The following ACOXL variants were observed in gnomAD, a reference collection of about 807,000 sequenced individuals.
ACOXL encodes the protein acyl-coenzyme A oxidase-like protein.
A neutral mutation model predicts 71.9 loss-of-function variants in ACOXL; 70 were observed. That is an observed-to-expected ratio of 0.97 (90% CI 0.80 to 1.19). ACOXL has a LOEUF of 1.19. ACOXL is among the 50% of genes most tolerant of loss of function. The probability of loss-of-function intolerance (pLI) is 0.00; values close to 1 mark genes in which losing one functional copy is unlikely to be tolerated. For synonymous variants in ACOXL, 253 were observed against 281.6 expected (o/e 0.90, Z 1.02); for missense variants, 703 against 736.3 (o/e 0.95, Z 0.52).
chr2:110,822,596 AT>A (rs1471137780), intron 9 of ACOXL, among the ~76,000 whole-genome samples: 1 of 152,160 alleles, frequency 6.6e-6, no homozygotes, highest in Admixed American at 6.5e-5. Flanking sequence ...TGCTTAATAC[AT>A]ATGTCATACA....
intron 9 of ACOXL, among the ~76,000 whole-genome samples, chr2:110,811,034 A>G (rs1687255859): frequency 6.6e-6 from 1 of 152,232 alleles, no homozygotes; most frequent in Non-Finnish European, 1.5e-5. Context: ...AAACTGCTCC[A>G]GTGATTTAAT....
intron 17 of ACOXL, among the ~76,000 whole-genome samples, chr2:111,102,830 A>G (rs1163505748): frequency 1.3e-5 from 2 of 152,210 alleles, no homozygotes; most frequent in African/African-American, 4.8e-5. Flanking sequence ...GAAATCAATA[A>G]TTTTTATAGT....
chr2:110,832,277 G>A (rs924387885), intron 9 of ACOXL, among the ~76,000 whole-genome samples: 7 of 152,272 alleles, frequency 4.6e-5, no homozygotes, highest in Admixed American at 3.3e-4. Context: ...GGTGGCTCAC[G>A]CCTGTAATCC....
At chr2:111,026,855 G>A (rs113843177) in intron 14 of ACOXL, among the ~76,000 whole-genome samples, 1 of 152,146 alleles carries the variant, frequency 6.6e-6, no homozygotes, top group African/African-American at 2.4e-5. Context: ...GAAAGCAAGA[G>A]GAGGAATGTG....
chr2:110,999,271 T>A (rs990900643), intron 14 of ACOXL, among the ~76,000 whole-genome samples: 7 of 152,116 alleles, frequency 4.6e-5, no homozygotes, highest in African/African-American at 1.7e-4. Flanking sequence ...AAGAATACTG[T>A]CGTATTGCAT....
At chr2:110,804,704 A>G (rs757443141) in intron 8 of ACOXL, among the ~76,000 whole-genome samples, 3 of 152,218 alleles carry the variant, frequency 2.0e-5, no homozygotes, top group South Asian at 4.1e-4. Context: ...CCCTGAAAAC[A>G]TTATGCAAGT....
At chr2:110,984,925 C>T (rs991463177) in intron 12 of ACOXL, among the ~76,000 whole-genome samples, 2 of 152,176 alleles carry the variant, frequency 1.3e-5, no homozygotes, top group African/African-American at 4.8e-5. Context: ...TGCCGGAAGA[C>T]AGCAAGCCAG....
At chr2:111,083,153 G>A (rs557387980) in intron 16 of ACOXL, among the ~76,000 whole-genome samples, 2 of 152,204 alleles carry the variant, frequency 1.3e-5, no homozygotes, top group East Asian at 3.9e-4. Context: ...TGCACATTCT[G>A]CGCATGTATC....
intron 12 of ACOXL, among the ~76,000 whole-genome samples, chr2:110,974,846 T>C (rs1157815046): frequency 6.6e-6 from 1 of 152,168 alleles, no homozygotes; most frequent in Admixed American, 6.5e-5. Flanking sequence ...GAAGGGAGCA[T>C]TGGGTTGTTT....
At chr2:111,029,898 G>C (rs1019886490) in intron 14 of ACOXL, among the ~76,000 whole-genome samples, 1 of 151,986 alleles carries the variant, frequency 6.6e-6, no homozygotes, top group African/African-American at 2.4e-5. Context: ...GGGTGCAGTT[G>C]TAGCCAGCTT....
At chr2:110,737,262 C>G (rs2104659879) in intron 1 of ACOXL, among the ~76,000 whole-genome samples, 1 of 152,266 alleles carries the variant, frequency 6.6e-6, no homozygotes. Context: ...CCACTACTCT[C>G]AATTCTCTTA....
intron 16 of ACOXL, among the ~76,000 whole-genome samples, chr2:111,067,196 C>T (rs1400866397): frequency 1.3e-5 from 2 of 151,996 alleles, no homozygotes; most frequent in African/African-American, 4.8e-5. Context: ...TGAAGTAGAA[C>T]CAAAAAACCC....
intron 15 of ACOXL, among the ~76,000 whole-genome samples, chr2:111,040,822 G>A (rs2065746022): frequency 6.6e-6 from 1 of 152,182 alleles, no homozygotes; most frequent in African/African-American, 2.4e-5. Context: ...GTGGCTTGGT[G>A]TGGTCGGGGT....
At chr2:110,873,362 T>C (rs1279704457) in intron 10 of ACOXL, among the ~76,000 whole-genome samples, 1 of 151,992 alleles carries the variant, frequency 6.6e-6, no homozygotes, top group African/African-American at 2.4e-5. Flanking sequence ...TGGGGCCCAG[T>C]GTGGACTCAA....
chr2:110,932,173 AAC>A (rs1245425449), intron 11 of ACOXL, among the ~76,000 whole-genome samples: 5 of 152,330 alleles, frequency 3.3e-5, no homozygotes, highest in Admixed American at 2.0e-4. Context: ...GAAGCAAGAC[AAC>A]ACACACTCTG....
At chr2:110,905,084 G>T (rs956819115) in intron 10 of ACOXL, among the ~76,000 whole-genome samples, 5 of 152,132 alleles carry the variant, frequency 3.3e-5, no homozygotes, top group Admixed American at 2.0e-4. Context: ...AGGTGCACAT[G>T]ACACCAGCTG....
At chr2:111,043,796 G>T (rs2065894605) in intron 15 of ACOXL, among the ~76,000 whole-genome samples, 1 of 152,186 alleles carries the variant, frequency 6.6e-6, no homozygotes, top group African/African-American at 2.4e-5. Flanking sequence ...CCATGGAGGG[G>T]TAGGTGTCAG....
chr2:110,974,049 G>A (rs1420212974), intron 12 of ACOXL, among the ~76,000 whole-genome samples: 1 of 152,204 alleles, frequency 6.6e-6, no homozygotes, highest in Admixed American at 6.5e-5. Context: ...GCATCCAGGG[G>A]TGATGCCTCC....
At chr2:110,849,842 C>G (rs1692389602) in intron 10 of ACOXL, among the ~76,000 whole-genome samples, 2 of 152,180 alleles carry the variant, frequency 1.3e-5, no homozygotes, top group Admixed American at 6.5e-5. Flanking sequence ...CTTCCAGTAC[C>G]TCATTTTCAG....
Sources: gnomAD v4.1 joint callset for allele counts (sites outside exome capture counted in the v4.1 genomes callset) on GRCh38, gnomAD v4.1.1 for gene constraint, MANE v1.5 for transcripts, NCBI Gene and HGNC (gene_info 2026-07-23, HGNC 2026-07-21) for gene names.